Variants in ENTREP2 observed in about 807,000 individuals in gnomAD.
ENTREP2 encodes protein ENTREP2.
chr15:29,207,469 A>G, the ENTREP2 span, among the ~76,000 whole-genome samples: 6 of 149,100 alleles, frequency 4.0e-5, no homozygotes, highest in Non-Finnish European at 8.8e-5. Flanking sequence ...GGGGGTGGCC[A>G]GCTTTTATTC....
At chr15:29,328,830 G>A in the ENTREP2 span, among the ~76,000 whole-genome samples, 1 of 152,114 alleles carries the variant, frequency 6.6e-6, no homozygotes, top group African/African-American at 2.4e-5. Context: ...ATAGACTATT[G>A]ATGGTTATAT....
chr15:29,538,340 T>C, the ENTREP2 span, among the ~76,000 whole-genome samples: 1 of 151,784 alleles, frequency 6.6e-6, no homozygotes, highest in Non-Finnish European at 1.5e-5. Flanking sequence ...CAACAGAGTA[T>C]AAGGAAGGAG....
At chr15:29,593,907 C>T in the ENTREP2 span, among the ~76,000 whole-genome samples, 1 of 152,098 alleles carries the variant, frequency 6.6e-6, no homozygotes, top group South Asian at 2.1e-4. Flanking sequence ...TATATACACA[C>T]AAGTAAGTAC....
At chr15:29,404,115 G>A in the ENTREP2 span, among the ~76,000 whole-genome samples, 4 of 152,238 alleles carry the variant, frequency 2.6e-5, no homozygotes, top group South Asian at 6.2e-4. Context: ...GGACAGGGGA[G>A]GAAGGGGGCA....
chr15:29,332,618 G>A, the ENTREP2 span, among the ~76,000 whole-genome samples: 117 of 152,204 alleles, frequency 7.7e-4, no homozygotes, highest in African/African-American at 2.6e-3. Flanking sequence ...CCAATGCATC[G>A]CCCATCTTCA....
At chr15:29,593,795 G>T in the ENTREP2 span, among the ~76,000 whole-genome samples, 1 of 152,292 alleles carries the variant, frequency 6.6e-6, no homozygotes, top group African/African-American at 2.4e-5. Flanking sequence ...CATAATAATG[G>T]CTGTTATGGA....
the ENTREP2 span, among the ~76,000 whole-genome samples, chr15:29,577,204 T>G: frequency 6.6e-6 from 1 of 151,836 alleles, no homozygotes; most frequent in African/African-American, 2.4e-5. Flanking sequence ...GGTGGGAATG[T>G]AAAATGGTGC....
At chr15:29,291,703 T>C in the ENTREP2 span, among the ~76,000 whole-genome samples, 1 of 152,232 alleles carries the variant, frequency 6.6e-6, no homozygotes, top group African/African-American at 2.4e-5. Context: ...TCTTTGTGAG[T>C]TTGAATCTTT....
At chr15:29,425,260 G>T in the ENTREP2 span, among the ~76,000 whole-genome samples, 1 of 150,822 alleles carries the variant, frequency 6.6e-6, no homozygotes, top group Non-Finnish European at 1.5e-5. Flanking sequence ...GGATGGTCTC[G>T]ATCTCCTGAC....
chr15:29,529,914 A>G, the ENTREP2 span, among the ~76,000 whole-genome samples: 1 of 152,290 alleles, frequency 6.6e-6, no homozygotes, highest in South Asian at 2.1e-4. Flanking sequence ...GTGTTTCTTT[A>G]GTCATCTGAC....
the ENTREP2 span, among the ~76,000 whole-genome samples, chr15:29,403,816 A>G: frequency 6.6e-6 from 1 of 152,182 alleles, no homozygotes; most frequent in Non-Finnish European, 1.5e-5. Context: ...TCTTGCCCAG[A>G]GAGCCCAGTT....
chr15:29,298,362 G>GA, the ENTREP2 span, among the ~76,000 whole-genome samples: 25 of 148,490 alleles, frequency 1.7e-4, no homozygotes, highest in Admixed American at 8.0e-4. Context: ...TCAGAAAAGA[G>GA]AAAAAAAAGG....
the ENTREP2 span, among the ~76,000 whole-genome samples, chr15:29,641,181 TA>T: frequency 6.6e-6 from 1 of 152,154 alleles, no homozygotes; most frequent in Non-Finnish European, 1.5e-5. Context: ...CTAAGCCTGA[TA>T]AAAAGCATCT....
the ENTREP2 span, among the ~76,000 whole-genome samples, chr15:29,673,505 T>C: frequency 6.6e-6 from 1 of 152,174 alleles, no homozygotes; most frequent in East Asian, 1.9e-4. Flanking sequence ...TGGTGCCAGC[T>C]GATCATCGAT....
the ENTREP2 span, among the ~76,000 whole-genome samples, chr15:29,515,924 A>T: frequency 2.6e-4 from 40 of 152,282 alleles, no homozygotes; most frequent in African/African-American, 8.7e-4. Flanking sequence ...GTGACCATTA[A>T]GCCCTTGAAA....
chr15:29,435,112 C>G, the ENTREP2 span, among the ~76,000 whole-genome samples: 4 of 152,142 alleles, frequency 2.6e-5, no homozygotes, highest in African/African-American at 9.7e-5. Context: ...CAGGCTGCGC[C>G]CTACTAACTC....
the ENTREP2 span, among the ~76,000 whole-genome samples, chr15:29,179,280 C>T: frequency 6.6e-6 from 1 of 152,230 alleles, no homozygotes; most frequent in Non-Finnish European, 1.5e-5. Context: ...TGCAAGAACA[C>T]TAAATGTGGT....
At chr15:29,171,088 C>T in the ENTREP2 span, among the ~76,000 whole-genome samples, 4 of 152,114 alleles carry the variant, frequency 2.6e-5, no homozygotes, top group Non-Finnish European at 5.9e-5. Context: ...CTAACCTCTC[C>T]CATGCTAATG....
the ENTREP2 span, among the ~76,000 whole-genome samples, chr15:29,639,784 T>C: frequency 6.7e-6 from 1 of 149,364 alleles, no homozygotes; most frequent in African/African-American, 2.5e-5. Flanking sequence ...TTTTTTTTTT[T>C]TGAGACGAAG....
Sources: allele counts gnomAD v4.1 joint callset (sites outside exome capture counted in the v4.1 genomes callset), GRCh38; gene constraint gnomAD v4.1.1; transcripts MANE v1.5; gene names NCBI Gene and HGNC (gene_info 2026-07-23, HGNC 2026-07-21).